Variants in HSPG2 observed in about 807,000 individuals in gnomAD.
HSPG2 encodes heparan sulfate proteoglycan 2.
HSPG2 carries 278 observed loss-of-function variants against 526.6 expected under a neutral mutation model. The ratio of observed to expected loss-of-function variants is 0.53; its 90% CI spans 0.48 to 0.58. HSPG2 has a LOEUF of 0.58. Among genes scored for constraint, HSPG2 ranks in the 20% least tolerant of loss-of-function variants. The probability of loss-of-function intolerance (pLI) is 0.00; values close to 1 mark genes in which losing one functional copy is unlikely to be tolerated. For synonymous variants in HSPG2, 2,465 were observed against 2,555.4 expected, an observed-to-expected ratio of 0.96 and a Z score of 1.07; for missense variants, 5,354 against 6,099.5, an observed-to-expected ratio of 0.88 and a Z score of 4.07.
chr1:21,845,528 G>A (rs1638357015), intron 64 of HSPG2, among the ~76,000 whole-genome samples: 1 of 151,980 alleles, frequency 6.6e-6, no homozygotes, highest in South Asian at 2.1e-4. Context: ...AACGGTAGGC[G>A]CCACCACACC....
chr1:21,921,973 T>C (rs6661141), intron 1 of HSPG2, among the ~76,000 whole-genome samples: 90,053 of 152,040 alleles, frequency 0.59, 27,290 homozygotes, highest in Middle Eastern at 0.74. Context: ...CTCTGGGACT[T>C]AGGGCCTTCC....
At chr1:21,934,930 G>A (rs772032608) in intron 1 of HSPG2, among the ~76,000 whole-genome samples, 3 of 132,676 alleles carry the variant, frequency 2.3e-5, no homozygotes, top group African/African-American at 2.9e-5. Context: ...GTTTTGAGGC[G>A]GAGTCTCACT....
intron 1 of HSPG2, among the ~76,000 whole-genome samples, chr1:21,925,182 T>C (rs980896589): frequency 6.6e-6 from 1 of 152,130 alleles, no homozygotes; most frequent in African/African-American, 2.4e-5. Context: ...TACAGGGGGA[T>C]TGATAACACA....
intron 1 of HSPG2, among the ~76,000 whole-genome samples, chr1:21,922,255 A>C (rs1464779156): frequency 6.6e-6 from 1 of 152,218 alleles, no homozygotes; most frequent in Non-Finnish European, 1.5e-5. Flanking sequence ...GCCCAGGGTC[A>C]CACAGCAATC....
At chr1:21,936,814 T>G (rs1412266639) in intron 1 of HSPG2, among the ~76,000 whole-genome samples, 1 of 152,096 alleles carries the variant, frequency 6.6e-6, no homozygotes, top group African/African-American at 2.4e-5. Context: ...GTTCCCACCC[T>G]GCTCAAAGTT....
Position 21,864,048 on chromosome 1 carries a change from C to A in HSPG2, c.4740+52G>T. 7.2e-7 allele frequency: 1 copy of A among 1,381,796 alleles called. No homozygotes were observed. The allele number at this position is 1,381,796 out of a possible 1,614,324, so 85.6% of individuals were successfully genotyped here. ...CCTGCCTTGTCCAGCCCTGGTCCCCCACCCAGGCCCAGCTGAGCTGACCCC... is the reference window on the plus strand; with the variant it reads ...CCTGCCTTGTCCAGCCCTGGTCCCCAACCCAGGCCCAGCTGAGCTGACCCC... On this transcript the variant is annotated intron_variant, in intron 37 of 96. Transcript: ENST00000374695. The surrounding 1 kb of genome is among the most constrained non-coding windows in gnomAD (Gnocchi z 4.8).
At position 21,887,451 on chromosome 1, in the gene HSPG2, GTCC is replaced by G; in HGVS notation, c.924_926del (p.Glu308del). ...CTAGCTCATCGCTGCCGTCCTCGCA[GTCC>G]TCCTGTCCGTCGCAGAGGTAGTCTC... is the stretch of plus-strand genomic sequence containing the variant. On this transcript the variant is annotated inframe_deletion, in exon 8 of 97. Coordinates refer to ENST00000374695, the MANE Select transcript of HSPG2 (RefSeq NM_005529.7). This position sits in a 1 kb window ranked among gnomAD's most constrained non-coding sequence, Gnocchi z 5.0. 1.2e-6 allele frequency: 2 copies of G among 1,614,076 alleles called. No individual in the cohort carries two copies. Among genetic ancestry groups the G allele is most frequent in the South Asian group, 1.1e-5 (1 of 91,080 alleles).
chr1:21,926,363 G>A (rs1644191768), intron 1 of HSPG2, among the ~76,000 whole-genome samples: 1 of 152,116 alleles, frequency 6.6e-6, no homozygotes, highest in Admixed American at 6.6e-5. Flanking sequence ...GGACAGGGAA[G>A]AGACTGGTCT....
At chr1:21,915,359 C>T (rs1446503558) in intron 1 of HSPG2, among the ~76,000 whole-genome samples, 3 of 152,210 alleles carry the variant, frequency 2.0e-5, no homozygotes, top group African/African-American at 7.2e-5. Flanking sequence ...CATGGAGATT[C>T]CAGATGCCAG....
rs974292856 is a variant in HSPG2 at position 21,895,451 on chromosome 1, G to C, written c.244+471C>G. Among the ~76,000 whole-genome samples the C allele has an allele frequency of 3.9e-4, 59 of 152,152 alleles. No homozygotes were observed. Among genetic ancestry groups the C allele is most frequent in the Admixed American group, 2.6e-4 (4 of 15,278 alleles). On this transcript the variant is annotated intron_variant, in intron 3 of 96. Coordinates refer to ENST00000374695, the MANE Select transcript of HSPG2 (RefSeq NM_005529.7). This position sits in a 1 kb window ranked among gnomAD's most constrained non-coding sequence, Gnocchi z 4.1. ...ACCTTAAGGCAAGGTTCTCTCCCAA[G>C]CCTAGCGTCAGGCTCGATCTGTGCT...
chr1:21,911,662 G>A (rs896080367), intron 1 of HSPG2, among the ~76,000 whole-genome samples: 1 of 152,168 alleles, frequency 6.6e-6, no homozygotes, highest in African/African-American at 2.4e-5. Context: ...CTGCTCCAGG[G>A]CCCCCGTGGG....
rs745452531 is a variant in HSPG2 at position 21,861,825 on chromosome 1, C to G, written c.4887G>C (p.Glu1629Asp). ...NPENMFSRTCESLGAGGYRCT... is the reference protein window; with the variant it reads ...NPENMFSRTCDSLGAGGYRCT... ...AGCGGTACCCGCCGGCTCCCAGGCT[C>G]TCACAGGTGCGGGAAAACCTGGGAT... Residue 1629 changes from glutamate to aspartate, a missense_variant, in exon 39 of 97, where the codon GAG (glutamate) becomes GAC (aspartate). Physicochemically the swap from Glu to Asp is conservative, Grantham distance 45. Transcript: ENST00000374695. 1.2e-5 allele frequency: 19 copies of G among 1,613,760 alleles called. No homozygotes were observed. The highest frequency in any genetic ancestry group is 1.6e-5 in the Non-Finnish European group (19 of 1,180,022).
chr1:21,934,874 C>A (rs969550526), intron 1 of HSPG2, among the ~76,000 whole-genome samples: 5 of 151,832 alleles, frequency 3.3e-5, no homozygotes, highest in South Asian at 2.1e-4. Flanking sequence ...GGATTACTGG[C>A]GTGTGCCACC....
chr1:21,841,523 GT>G lies in HSPG2; in HGVS notation c.9328+15del, dbSNP rs2098048410. On this transcript the variant is annotated intron_variant, in intron 70 of 96. Transcript: ENST00000374695. ...TGGAAACAGGGCAGAGCCCCACAGGGTCAACGTCCCCTCACCGTGCACACTG... is the reference window on the plus strand; with the variant it reads ...TGGAAACAGGGCAGAGCCCCACAGGGCAACGTCCCCTCACCGTGCACACTG... 1.2e-6 allele frequency: 2 copies of G among 1,614,198 alleles called. No individual in the cohort carries two copies. The highest frequency in any genetic ancestry group is 8.5e-7 in the Non-Finnish European group (1 of 1,180,012).
chr1:21,911,608 G>A (rs1643686294), intron 1 of HSPG2, among the ~76,000 whole-genome samples: 1 of 152,224 alleles, frequency 6.6e-6, no homozygotes, highest in Non-Finnish European at 1.5e-5. Flanking sequence ...TGGAGAGGCC[G>A]GAGCAAAGGT....
chr1:21,852,908 G>T lies in HSPG2; in HGVS notation c.6591+11C>A, dbSNP rs761061335. On this transcript the variant is annotated intron_variant, in intron 51 of 96. Transcript: ENST00000374695. Reference sequence around the variant, plus strand: ...CCCCTCCAGCAAGGTGGTCCCGGGGGGCTGCCATACCTGGTGCCGGGCAGG... The same window carrying T: ...CCCCTCCAGCAAGGTGGTCCCGGGGTGCTGCCATACCTGGTGCCGGGCAGG... The T allele has an allele frequency of 1.7e-5, 28 of 1,612,396 alleles. No individual in the cohort carries two copies. In the South Asian group the frequency reaches 2.1e-4, roughly 12 times the overall value.
In HSPG2 at chr1:21,880,400, T is replaced by C. The variant is rs750821654; in HGVS notation, c.2158A>G (p.Thr720Ala). Residue 720 changes from threonine to alanine, a missense_variant, in exon 16 of 97, where the codon ACC (threonine) becomes GCC (alanine). Physicochemically the swap from Thr to Ala is moderately conservative, Grantham distance 58. Coordinates refer to ENST00000374695, the MANE Select transcript of HSPG2 (RefSeq NM_005529.7). ...IAMDTTVTHATSHGRAHSVEE... is the reference protein window; with the variant it reads ...IAMDTTVTHAASHGRAHSVEE... ...ACACTGTGGGCACGGCCATGGCTGG[T>C]GGCATGGGTGACGGTGGTATCCATG... is the stretch of plus-strand genomic sequence containing the variant. The C allele has an allele frequency of 7.4e-6, 12 of 1,613,970 alleles. No individual in the cohort carries two copies. The Middle Eastern group carries it at 6.6e-4, about 89-fold the overall frequency.
At position 21,857,140 on chromosome 1, in the gene HSPG2, C is replaced by T. The variant is rs773741854; in HGVS notation, c.5450G>A (p.Arg1817Gln). ...TRLHNGKLPT[R>Q]AMDFNGILTI... ...CAGGATGCCATTGAAATCCATGGCT[C>T]GGGTGGGCAGTTTCCCGTTGTGCAG... The change falls in exon 44 of 97, where the codon CGA becomes CAA. Residue 1817 changes from arginine to glutamine, a missense_variant. Physicochemically the swap from Arg to Gln is conservative, Grantham distance 43 (BLOSUM62 1). Transcript: ENST00000374695. 2.4e-5 allele frequency: 38 copies of T among 1,613,974 alleles called. No individual in the cohort carries two copies. Among genetic ancestry groups the T allele is most frequent in the South Asian group, 9.9e-5 (9 of 91,078 alleles).
At chr1:21,930,020 G>A (rs1162450149) in intron 1 of HSPG2, among the ~76,000 whole-genome samples, 1 of 152,092 alleles carries the variant, frequency 6.6e-6, no homozygotes, top group Non-Finnish European at 1.5e-5. Context: ...TCACTCAGAC[G>A]CAAATCCAAG....
Sources: allele counts gnomAD v4.1 joint callset (sites outside exome capture counted in the v4.1 genomes callset), GRCh38; gene constraint gnomAD v4.1.1; non-coding constraint Gnocchi (gnomAD v3.1); transcripts MANE v1.5; gene names NCBI Gene and HGNC (gene_info 2026-07-23, HGNC 2026-07-21).